Variants in TTLL5 observed in about 807,000 individuals in gnomAD.
TTLL5 encodes tubulin tyrosine ligase like 5.
A neutral mutation model predicts 168.4 loss-of-function variants in TTLL5; 132 were observed. The observed-to-expected ratio is 0.78, with a 90% CI of 0.68 to 0.91. The LOEUF (loss-of-function observed/expected upper bound fraction) is 0.91, where lower values mean the gene tolerates loss of function less well. TTLL5 is among the 40% of genes least tolerant of loss of function. The pLI is 0.00. For synonymous variants in TTLL5, 546 were observed against 558.6 expected, an observed-to-expected ratio of 0.98 and a Z score of 0.32; for missense variants, 1,545 against 1,581.5, an observed-to-expected ratio of 0.98 and a Z score of 0.39.
chr14:75,661,794 T>A (rs1203443318), intron 1 of TTLL5, among the ~76,000 whole-genome samples: 1 of 152,112 alleles, frequency 6.6e-6, no homozygotes, highest in African/African-American at 2.4e-5. Flanking sequence ...CCGTTGAGAA[T>A]CCCCTGAAGA....
intron 12 of TTLL5, among the ~76,000 whole-genome samples, chr14:75,732,003 T>TG (rs1279617615): frequency 6.7e-6 from 1 of 149,748 alleles, no homozygotes; most frequent in Non-Finnish European, 1.5e-5. Flanking sequence ...CCCGCCTCTT[T>TG]TTTTTTTTTT....
intron 30 of TTLL5, chr14:75,886,818 G>T: frequency 6.4e-7 from 1 of 1,566,986 alleles, no homozygotes; most frequent in Non-Finnish European, 8.6e-7. Flanking sequence ...TTGTAAATGA[G>T]CTTTTTTCAG....
chr14:75,862,771 G>A (rs531642818), intron 28 of TTLL5, among the ~76,000 whole-genome samples: 1 of 151,778 alleles, frequency 6.6e-6, no homozygotes. Context: ...TTAAACCCCC[G>A]TCTCTACAAA....
chr14:75,737,639 A>G (rs1299297014), intron 15 of TTLL5: 6 of 1,526,470 alleles, frequency 3.9e-6, no homozygotes, highest in Admixed American at 2.1e-5. Flanking sequence ...GACTTCTTCA[A>G]ATTTTATTTT....
At chr14:75,731,424 G>C (rs917159498) in intron 12 of TTLL5, among the ~76,000 whole-genome samples, 17 of 125,570 alleles carry the variant, frequency 1.4e-4, no homozygotes, top group East Asian at 5.1e-4. Context: ...CACACACACA[G>C]GACTGTACAT....
intron 3 of TTLL5, among the ~76,000 whole-genome samples, chr14:75,672,334 C>T (rs905608786): frequency 6.6e-6 from 1 of 152,068 alleles, no homozygotes; most frequent in Non-Finnish European, 1.5e-5. Context: ...GCAACCTCCT[C>T]CTCCTGAGTT....
At chr14:75,814,238 A>G (rs1182005127) in intron 27 of TTLL5, among the ~76,000 whole-genome samples, 2 of 152,220 alleles carry the variant, frequency 1.3e-5, no homozygotes, top group Non-Finnish European at 2.9e-5. Context: ...TGAGCCAGTG[A>G]TTGATTTTGT....
At chr14:75,719,634 A>G in intron 10 of TTLL5, 101 bp from the exon 11 acceptor site, 1 of 1,077,426 alleles carries the variant, frequency 9.3e-7, no homozygotes, top group Non-Finnish European at 1.3e-6. Context: ...TGAATTAAAA[A>G]AAAAACTTTT....
At chr14:75,811,189 A>ATG (rs1253221772) in intron 27 of TTLL5, among the ~76,000 whole-genome samples, 1,622 of 64,008 alleles carry the variant, frequency 0.025, 30 homozygotes, top group African/African-American at 0.084. Context: ...GTGTGTGTGT[A>ATG]TGTGTGTGTG....
At chr14:75,716,372 GT>G (rs1224566152) in intron 9 of TTLL5, among the ~76,000 whole-genome samples, 1 of 151,966 alleles carries the variant, frequency 6.6e-6, no homozygotes, top group Non-Finnish European at 1.5e-5. Flanking sequence ...GTTTATTTTA[GT>G]TTTTTGGGTT....
chr14:75,822,211 G>C (rs998667611), intron 28 of TTLL5, among the ~76,000 whole-genome samples: 1 of 152,154 alleles, frequency 6.6e-6, no homozygotes, highest in East Asian at 1.9e-4. Flanking sequence ...TTAGTCTCTT[G>C]TTGTTCCTCC....
chr14:75,882,992 C>CTGAA (rs2140024661), intron 30 of TTLL5, 90 bp downstream of exon 30: 2 of 1,341,844 alleles, frequency 1.5e-6, no homozygotes, highest in East Asian at 4.8e-5. Flanking sequence ...ACCGTTCGTA[C>CTGAA]TGAAGTACTG....
rs544848306 is a variant in TTLL5, at chr14:75,878,619, A to G, written c.3523-4066A>G. 3.3e-5 allele frequency among the ~76,000 whole-genome samples: 5 copies of G among 152,372 alleles called. No homozygotes were observed. The East Asian group carries it at 5.8e-4, about 18-fold the overall frequency. ...ATGTATTTTCTTTAGCTGGGCAAAC[A>G]TTATGACCCAAACAAAGTCAGAGTA... On this transcript the variant is annotated intron_variant, in intron 29 of 31. Coordinates refer to ENST00000298832, the MANE Select transcript of TTLL5 (RefSeq NM_015072.5).
chr14:75,883,251 T>C (rs1313446681), intron 30 of TTLL5, among the ~76,000 whole-genome samples: 1 of 152,264 alleles, frequency 6.6e-6, no homozygotes, highest in Non-Finnish European at 1.5e-5. Context: ...AAGAGGATAA[T>C]ATAACTTCAT....
At chr14:75,926,307 GC>G (rs1184903437) in intron 31 of TTLL5, among the ~76,000 whole-genome samples, 14 of 151,602 alleles carry the variant, frequency 9.2e-5, no homozygotes, top group African/African-American at 2.4e-4. Flanking sequence ...TATCCAATTT[GC>G]CAGTTCGTGT....
chr14:75,706,257 C>G (rs1249301254), intron 7 of TTLL5, among the ~76,000 whole-genome samples: 2 of 152,174 alleles, frequency 1.3e-5, no homozygotes, highest in Admixed American at 1.3e-4. Flanking sequence ...AGAAATGCTG[C>G]TTTGTGTTCT....
Position 75,771,748 on chromosome 14 carries a change from G to A in TTLL5, c.2030G>A (p.Arg677Gln), listed in dbSNP as rs765491333. ...GATTTCTATAGCAAAATGCAGGCCC[G>A]AATAGCATTCTCTGCCTATCTCCAG... The part of the protein sequence containing the change: ...DNGNLSKMQA[R>Q]IAFSAYLQHV... Residue 677 changes from arginine (R) to glutamine (Q), a missense_variant, in exon 21 of 32, where the codon CGA (arginine) becomes CAA (glutamine). Transcript: ENST00000298832. 1.4e-5 allele frequency: 23 copies of A among 1,613,714 alleles called. No homozygotes were observed. The highest frequency in any genetic ancestry group is 8.8e-5 in the South Asian group (8 of 91,034).
intron 5 of TTLL5, among the ~76,000 whole-genome samples, chr14:75,688,447 C>T (rs1399179840): frequency 6.6e-6 from 1 of 152,186 alleles, no homozygotes; most frequent in African/African-American, 2.4e-5. Context: ...TCCTCTATAT[C>T]CTTTGTAATA....
chr14:75,786,090 T>C (rs1206005168), intron 26 of TTLL5, among the ~76,000 whole-genome samples: 1 of 152,342 alleles, frequency 6.6e-6, no homozygotes, highest in South Asian at 2.1e-4. Context: ...TATTTTAATA[T>C]GCAGCTTGAG....
Sources: gnomAD v4.1 joint callset for allele counts (sites outside exome capture counted in the v4.1 genomes callset) on GRCh38, gnomAD v4.1.1 for gene constraint, MANE v1.5 for transcripts, NCBI Gene and HGNC (gene_info 2026-07-23, HGNC 2026-07-21) for gene names.